TPST1: variants seen among roughly 807,000 people sequenced by gnomAD.
The protein encoded by TPST1 is protein-tyrosine sulfotransferase 1.
Under a neutral mutation model 34.8 loss-of-function variants are expected in TPST1, and 20 were observed. The observed-to-expected ratio is 0.57, with a 90% CI of 0.40 to 0.84. The LOEUF (loss-of-function observed/expected upper bound fraction) is 0.84, where lower values mean the gene tolerates loss of function less well. Ranked by LOEUF, TPST1 falls within the 40% of genes least tolerant of loss-of-function variation. The probability of loss-of-function intolerance (pLI) is 0.00; values close to 1 mark genes in which losing one functional copy is unlikely to be tolerated. For synonymous variants in TPST1, 152 were observed against 159.4 expected (o/e 0.95, Z 0.35); for missense variants, 353 against 455.5 (o/e 0.78, Z 2.05).
intron 2 of TPST1, among the ~76,000 whole-genome samples, chr7:66,242,008 A>G (rs1281334029): frequency 6.6e-6 from 1 of 152,214 alleles, no homozygotes; most frequent in Non-Finnish European, 1.5e-5. Context: ...AGCCTAATCC[A>G]TACAAGAAGT....
chr7:66,306,912 A>G (rs1285022394), intron 3 of TPST1, among the ~76,000 whole-genome samples: 1 of 151,920 alleles, frequency 6.6e-6, no homozygotes, highest in African/African-American at 2.4e-5. Context: ...ACAGGGTTTC[A>G]CCATGTTGGC....
chr7:66,324,873 G>A (rs1393633509), intron 3 of TPST1, among the ~76,000 whole-genome samples: 1 of 147,888 alleles, frequency 6.8e-6, no homozygotes, highest in African/African-American at 2.5e-5. Context: ...TACATAGAAT[G>A]TTCTTCCAGG....
chr7:66,257,819 A>G (rs79884518), intron 2 of TPST1, among the ~76,000 whole-genome samples: 3,485 of 152,230 alleles, frequency 0.023, 52 homozygotes, highest in Non-Finnish European at 0.034. Flanking sequence ...GCACACCCTT[A>G]ATTTCTTTAA....
At position 66,246,591 on chromosome 7, in the gene TPST1, G is replaced by T. The variant is rs553269121; in HGVS notation, c.845+5321G>T. ...AGCAAAAATTAGAAGTTGGATATCA[G>T]ATCATTTATTAGTTTGATTAGATTT... On this transcript the variant is annotated intron_variant, in intron 2 of 5. Transcript: ENST00000304842. Among the ~76,000 whole-genome samples, 6 of 152,298 alleles carry T rather than the reference G, an allele frequency of 3.9e-5. No homozygotes were observed. The South Asian group carries it at 1.2e-3, about 32-fold the overall frequency.
chr7:66,247,217 C>T (rs1790167497), intron 2 of TPST1, among the ~76,000 whole-genome samples: 1 of 152,116 alleles, frequency 6.6e-6, no homozygotes, highest in Admixed American at 6.5e-5. Flanking sequence ...CACCTGAGGG[C>T]AGTAGTTCAA....
At chr7:66,228,897 TA>T (rs967974369) in intron 1 of TPST1, among the ~76,000 whole-genome samples, 8 of 152,012 alleles carry the variant, frequency 5.3e-5, no homozygotes, top group South Asian at 2.1e-4. Flanking sequence ...CTCTTGTGAT[TA>T]AAAAAAAATT....
upstream of TPST1, among the ~76,000 whole-genome samples, chr7:66,203,701 G>C (rs939731429): frequency 6.6e-6 from 1 of 151,048 alleles, no homozygotes; most frequent in Non-Finnish European, 1.5e-5. Flanking sequence ...TAACCAGGAT[G>C]GTCTCGATCT....
intron 3 of TPST1, among the ~76,000 whole-genome samples, chr7:66,304,572 T>A (rs1315707401): frequency 6.6e-6 from 1 of 152,204 alleles, no homozygotes; most frequent in Non-Finnish European, 1.5e-5. Flanking sequence ...TTTGCCAGCC[T>A]GGCTTACATA....
At chr7:66,223,458 CAAA>C (rs34400889) in intron 1 of TPST1, among the ~76,000 whole-genome samples, 13 of 59,240 alleles carry the variant, frequency 2.2e-4, no homozygotes, top group African/African-American at 6.2e-4. Context: ...GACCCTGTCT[CAAA>C]AAAAAAAAAA....
chr7:66,199,986 T>TCC, the TPST1 span, among the ~76,000 whole-genome samples: 1 of 152,110 alleles, frequency 6.6e-6, no homozygotes, highest in African/African-American at 2.4e-5. Context: ...CGCTTCGGCC[T>TCC]CCCAAAGTGC....
At chr7:66,295,797 A>G (rs1312371095) in intron 3 of TPST1, among the ~76,000 whole-genome samples, 1 of 151,888 alleles carries the variant, frequency 6.6e-6, no homozygotes, top group Non-Finnish European at 1.5e-5. Flanking sequence ...ACGCCTGGCT[A>G]ATTTTTTTTA....
At chr7:66,324,923 A>G (rs1441437414) in intron 3 of TPST1, among the ~76,000 whole-genome samples, 1 of 151,766 alleles carries the variant, frequency 6.6e-6, no homozygotes, top group African/African-American at 2.4e-5. Context: ...TTGAAAATGT[A>G]TTCTGTTCTT....
chr7:66,295,178 G>C (rs1314527955), intron 3 of TPST1, among the ~76,000 whole-genome samples: 1 of 152,056 alleles, frequency 6.6e-6, no homozygotes, highest in Admixed American at 6.6e-5. Flanking sequence ...ATTTTTAAAA[G>C]GTGTTTGATA....
chr7:66,208,886 C>T (rs1789186707), intron 1 of TPST1, among the ~76,000 whole-genome samples: 2 of 152,124 alleles, frequency 1.3e-5, no homozygotes, highest in East Asian at 3.8e-4. Flanking sequence ...AGCAAATTGC[C>T]AAGTACATAG....
chr7:66,280,743 T>A (rs1790916624), intron 2 of TPST1, among the ~76,000 whole-genome samples: 1 of 152,248 alleles, frequency 6.6e-6, no homozygotes, highest in Non-Finnish European at 1.5e-5. Context: ...CAACTGGTGC[T>A]GCTCCCTTTA....
chr7:66,308,018 A>G (rs1195510471), intron 3 of TPST1, among the ~76,000 whole-genome samples: 1 of 152,198 alleles, frequency 6.6e-6, no homozygotes, highest in Non-Finnish European at 1.5e-5. Flanking sequence ...AAGTTTCTGA[A>G]TTTCCAGTCA....
intron 3 of TPST1, among the ~76,000 whole-genome samples, chr7:66,344,091 G>GA (rs1363290585): frequency 6.6e-6 from 1 of 152,102 alleles, no homozygotes; most frequent in Non-Finnish European, 1.5e-5. Context: ...ACTGCAAAGA[G>GA]AAAAAAGAAT....
At chr7:66,283,538 G>T (rs1790975790) in intron 2 of TPST1, among the ~76,000 whole-genome samples, 2 of 152,158 alleles carry the variant, frequency 1.3e-5, no homozygotes, top group African/African-American at 4.8e-5. Context: ...GTGTGGCTGT[G>T]TTCCAGTAAA....
chr7:66,278,358 C>A (rs541854141), intron 2 of TPST1, among the ~76,000 whole-genome samples: 38 of 152,028 alleles, frequency 2.5e-4, no homozygotes, highest in African/African-American at 8.9e-4. Context: ...GGCTGCCGTG[C>A]GGGTAAGGTA....
Sources: gnomAD v4.1 joint callset for allele counts (sites outside exome capture counted in the v4.1 genomes callset) on GRCh38, gnomAD v4.1.1 for gene constraint, MANE v1.5 for transcripts, NCBI Gene and HGNC (gene_info 2026-07-23, HGNC 2026-07-21) for gene names.